Variants in RCAN3 observed in about 807,000 individuals in gnomAD.
RCAN3 encodes the protein calcipressin-3.
RCAN3 carries 19 observed loss-of-function variants against 21.9 expected under a neutral mutation model. That is an observed-to-expected ratio of 0.87 (90% confidence interval 0.61 to 1.27). The LOEUF (loss-of-function observed/expected upper bound fraction) is 1.27, where lower values mean the gene tolerates loss of function less well. Ranked by LOEUF, RCAN3 falls within the 50% of genes most tolerant of loss-of-function variation. The pLI is 0.00. For missense variants in RCAN3, 240 were observed against 300.1 expected (o/e 0.80, Z 1.48); for synonymous variants, 114 against 112.3 (o/e 1.01, Z -0.09).
At chr1:24,511,289 G>A (rs1319736561) in intron 1 of RCAN3, among the ~76,000 whole-genome samples, 3 of 152,060 alleles carry the variant, frequency 2.0e-5, no homozygotes, top group African/African-American at 7.2e-5. Context: ...CTCCAGCCTG[G>A]GCGACAAAGC....
intron 1 of RCAN3, among the ~76,000 whole-genome samples, chr1:24,513,606 G>A (rs1570452488): frequency 2.6e-5 from 4 of 152,046 alleles, no homozygotes; most frequent in Admixed American, 2.6e-4. Flanking sequence ...GCAGTGAGCC[G>A]GGATCGCGCC....
intron 2 of RCAN3, among the ~76,000 whole-genome samples, chr1:24,524,828 G>GTTTTTTTTTTTTTTTTTTTT (rs5773091): frequency 1.6e-5 from 2 of 127,228 alleles, no homozygotes; most frequent in Non-Finnish European, 1.6e-5. Context: ...GTTTTCTTTT[G>GTTTTTTTTTTTTTTTTTTTT]TTTTTTTTTT....
At chr1:24,527,597 A>T (rs1470887394) in intron 2 of RCAN3, among the ~76,000 whole-genome samples, 8 of 152,220 alleles carry the variant, frequency 5.3e-5, no homozygotes, top group Non-Finnish European at 1.2e-4. Flanking sequence ...AAATGTTCAA[A>T]TTGAGAGAAG....
At chr1:24,531,561 C>T (rs557896717) in intron 3 of RCAN3, among the ~76,000 whole-genome samples, 170 bp downstream of exon 3, 9 of 151,988 alleles carry the variant, frequency 5.9e-5, no homozygotes, top group African/African-American at 1.7e-4. Flanking sequence ...TACATAATTT[C>T]GTGTATTTAT....
At chr1:24,526,996 AAAATCCT>A (rs1278332060) in intron 2 of RCAN3, among the ~76,000 whole-genome samples, 1 of 152,216 alleles carries the variant, frequency 6.6e-6, no homozygotes, top group Non-Finnish European at 1.5e-5. Context: ...ATGCTACTTT[AAAATCCT>A]TACTATATCT....
At chr1:24,523,296 C>T (rs1274502314) in intron 2 of RCAN3, among the ~76,000 whole-genome samples, 1 of 152,012 alleles carries the variant, frequency 6.6e-6, no homozygotes, top group African/African-American at 2.4e-5. Context: ...AACTCCTGAC[C>T]TCAGGTGATC....
At chr1:24,503,425 C>T (rs1055341042) in intron 1 of RCAN3, among the ~76,000 whole-genome samples, 2 of 152,164 alleles carry the variant, frequency 1.3e-5, no homozygotes, top group African/African-American at 4.8e-5. Flanking sequence ...TCTCCACCAA[C>T]GATTTTCTCC....
chr1:24,503,439 C>A (rs1647230744), intron 1 of RCAN3, among the ~76,000 whole-genome samples: 1 of 152,170 alleles, frequency 6.6e-6, no homozygotes, highest in Admixed American at 6.5e-5. Flanking sequence ...TTTCTCCCAC[C>A]AAGTGTGTTT....
chr1:24,503,521 G>C (rs1301310881), intron 1 of RCAN3, among the ~76,000 whole-genome samples: 1 of 152,224 alleles, frequency 6.6e-6, no homozygotes, highest in Non-Finnish European at 1.5e-5. Context: ...CTGGAAGGTG[G>C]AAGCCCCCTG....
Position 24,525,951 on chromosome 1 carries a change from A to C in RCAN3, c.196-5267A>C, listed in dbSNP as rs1460697515. On this transcript the variant is annotated intron_variant, in intron 2 of 4. Transcript: ENST00000374395. This position sits in a 1 kb window ranked among gnomAD's most constrained non-coding sequence, Gnocchi z 4.1. ...CCAAGTTAATTCTTCATGCTTCCAA[A>C]GCACCTCACAGCTAGAATTCACGTA... 2.0e-5 allele frequency among the ~76,000 whole-genome samples: 3 copies of C among 152,214 alleles called. No homozygotes were observed. Among genetic ancestry groups the C allele is most frequent in the African/African-American group, 4.8e-5 (2 of 41,458 alleles).
intron 2 of RCAN3, among the ~76,000 whole-genome samples, chr1:24,519,108 G>T (rs975515410): frequency 2.0e-5 from 3 of 151,740 alleles, no homozygotes; most frequent in Non-Finnish European, 4.4e-5. Flanking sequence ...ATAGAGTTTC[G>T]CCATGTTGGC....
intron 2 of RCAN3, among the ~76,000 whole-genome samples, chr1:24,524,498 T>G (rs546673668): frequency 1.3e-5 from 2 of 152,332 alleles, no homozygotes; most frequent in East Asian, 1.9e-4. Flanking sequence ...AAAGTAAAGT[T>G]TTTAAATTCA....
Position 24,536,112 on chromosome 1 carries a change from C to T in RCAN3, c.*835C>T, listed in dbSNP as rs1315767587. 6.6e-6 allele frequency: 1 copy of T among 152,236 alleles called. No homozygotes were observed. Among genetic ancestry groups the T allele is most frequent in the African/African-American group, 2.4e-5 (1 of 41,460 alleles). The allele number at this position is 152,236 out of a possible 1,614,324, so 9.4% of individuals were successfully genotyped here. A position where few individuals can be genotyped will look rare whatever the true frequency, so the allele number is the denominator to read the frequency against. ...TTCTAGCCTGTAGACCACCCAGCTA[C>T]CTTCATTCACCAGTTTTTATCCTTC... On this transcript the variant is annotated 3_prime_UTR_variant, in exon 5 of 5. Coordinates refer to ENST00000374395, the MANE Select transcript of RCAN3 (RefSeq NM_013441.4).
In RCAN3 at chr1:24,538,559, C is replaced by G. The variant is rs1570497063; in HGVS notation, c.*3282C>G. ...AGCTGGGACTACAGGCGCCCGCTCCCACGCCCGGCTAATTTTTTTTTTTTT... is the reference window on the plus strand; with the variant it reads ...AGCTGGGACTACAGGCGCCCGCTCCGACGCCCGGCTAATTTTTTTTTTTTT... On this transcript the variant is annotated 3_prime_UTR_variant, in exon 5 of 5. Coordinates refer to ENST00000374395, the MANE Select transcript of RCAN3 (RefSeq NM_013441.4). 1.4e-5 allele frequency: 2 copies of G among 146,280 alleles called. No individual in the cohort carries two copies. The highest frequency in any genetic ancestry group is 6.8e-5 in the Admixed American group (1 of 14,750). 9.1% of individuals were successfully genotyped at this position (146,280 alleles called of 1,614,324 possible).
At chr1:24,534,956 C>CG (rs1650107977) in intron 4 of RCAN3, 137 bp from the exon 5 acceptor site, 1 of 798,526 alleles carries the variant, frequency 1.3e-6, no homozygotes, top group African/African-American at 1.8e-5. Flanking sequence ...ATAAAATACT[C>CG]TAACATAGTA....
upstream of RCAN3, among the ~76,000 whole-genome samples, chr1:24,502,736 AC>A (rs1429590909): frequency 2.7e-5 from 4 of 148,872 alleles, no homozygotes; most frequent in East Asian, 8.1e-4. Context: ...GCGGCGAGAC[AC>A]CCCCACCCCG....
At position 24,539,826 on chromosome 1, in the gene RCAN3, C is replaced by T. The variant is rs953938211; in HGVS notation, c.*4549C>T. On this transcript the variant is annotated 3_prime_UTR_variant, in exon 5 of 5. Transcript: ENST00000374395. Reference sequence around the variant, plus strand: ...TACGTACCAAACAGGTGAACTTGGTCCATCTTTCCTTCTTCCTTTTTTTGC... The same window carrying T: ...TACGTACCAAACAGGTGAACTTGGTTCATCTTTCCTTCTTCCTTTTTTTGC... 3 of 152,184 alleles carry T rather than the reference C, an allele frequency of 2.0e-5. No individual in the cohort carries two copies. Among genetic ancestry groups the T allele is most frequent in the African/African-American group, 7.2e-5 (3 of 41,458 alleles). The allele number at this position is 152,184 out of a possible 1,614,324, so 9.4% of individuals were successfully genotyped here.
intron 2 of RCAN3, among the ~76,000 whole-genome samples, chr1:24,518,246 ATAG>A (rs1374143222): frequency 6.6e-6 from 1 of 152,176 alleles, no homozygotes; most frequent in African/African-American, 2.4e-5. Flanking sequence ...ATTCTTCCGA[ATAG>A]TAGAATAAAT....
At chr1:24,508,951 A>G (rs751585083) in intron 1 of RCAN3, among the ~76,000 whole-genome samples, 21 of 152,176 alleles carry the variant, frequency 1.4e-4, no homozygotes, top group Non-Finnish European at 2.8e-4. Flanking sequence ...ACTTGAACCC[A>G]TGAGTTTGAG....
Sources: allele counts gnomAD v4.1 joint callset (sites outside exome capture counted in the v4.1 genomes callset), GRCh38; gene constraint gnomAD v4.1.1; non-coding constraint Gnocchi (gnomAD v3.1); transcripts MANE v1.5; gene names NCBI Gene and HGNC (gene_info 2026-07-23, HGNC 2026-07-21).